Variants in SPTBN4 observed in about 807,000 individuals in gnomAD.
SPTBN4 encodes spectrin beta, non-erythrocytic 4.
A neutral mutation model predicts 277.8 loss-of-function variants in SPTBN4; 96 were observed. The ratio of observed to expected loss-of-function variants is 0.35; its 90% CI spans 0.29 to 0.41. The LOEUF (loss-of-function observed/expected upper bound fraction) is 0.41, where lower values mean the gene tolerates loss of function less well. SPTBN4 is among the 10% of genes least tolerant of loss of function. SPTBN4 has a pLI of 1.00. For synonymous variants in SPTBN4, 1,481 were observed against 1,580.3 expected, an observed-to-expected ratio of 0.94 and a Z score of 1.49; for missense variants, 3,006 against 3,595.7, an observed-to-expected ratio of 0.84 and a Z score of 4.19.
intron 13 of SPTBN4, among the ~76,000 whole-genome samples, chr19:40,509,475 C>A (rs1395715884): frequency 6.6e-6 from 1 of 152,154 alleles, no homozygotes; most frequent in Non-Finnish European, 1.5e-5. Context: ...AAACTCTTGA[C>A]CTCAGGTGAT....
intron 20 of SPTBN4, among the ~76,000 whole-genome samples, chr19:40,539,416 C>T (rs1328494899): frequency 6.6e-6 from 1 of 152,240 alleles, no homozygotes; most frequent in African/African-American, 2.4e-5. Context: ...TGGGTCAAGC[C>T]CTGGCTCTGT....
chr19:40,567,603 T>TG, intron 30 of SPTBN4, 60 bp from the exon 31 acceptor site: 321 of 980,266 alleles, frequency 3.3e-4, no homozygotes, highest in Non-Finnish European at 3.6e-4. Flanking sequence ...TCCCCGGACC[T>TG]CCCCCTTACC....
chr19:40,553,782 C>A (rs898914198), intron 22 of SPTBN4, among the ~76,000 whole-genome samples: 25 of 152,106 alleles, frequency 1.6e-4, no homozygotes, highest in African/African-American at 5.6e-4. Context: ...ACAAATGATA[C>A]CTCGGCTGCT....
At chr19:40,572,715 T>G in intron 35 of SPTBN4, 1 of 256,200 alleles carries the variant, frequency 3.9e-6, no homozygotes. Flanking sequence ...TCCCAGTACT[T>G]TGGGAGGCCA....
chr19:40,555,489 C>CAAAAAAAAAAAAAAAAAAAGAAA (rs2080967660), intron 24 of SPTBN4, among the ~76,000 whole-genome samples: 1 of 74,904 alleles, frequency 1.3e-5, no homozygotes, highest in Non-Finnish European at 2.4e-5. Flanking sequence ...GACTCCGTCT[C>CAAAAAAAAAAAAAAAAAAAGAAA]AAAAAAAAAA....
chr19:40,567,047 C>T (rs2081100166), intron 30 of SPTBN4: 1 of 449,156 alleles, frequency 2.2e-6, no homozygotes, highest in Non-Finnish European at 4.5e-6. Context: ...CTTTGGAAGC[C>T]TAGGCGGGAG....
intron 35 of SPTBN4, 98 bp downstream of exon 35, chr19:40,572,478 C>T (rs1157138118): frequency 2.7e-6 from 4 of 1,456,212 alleles, no homozygotes; most frequent in East Asian, 4.5e-5. Flanking sequence ...AAGGGACACT[C>T]ACAGGCCAGA....
At chr19:40,533,430 G>A (rs544803175) in intron 19 of SPTBN4, among the ~76,000 whole-genome samples, 6 of 152,192 alleles carry the variant, frequency 3.9e-5, no homozygotes, top group African/African-American at 1.4e-4. Context: ...AGGGACTGAG[G>A]TAGATATTTG....
chr19:40,503,634 G>A (rs2080288576), intron 11 of SPTBN4, among the ~76,000 whole-genome samples, 196 bp from the exon 12 acceptor site: 1 of 151,892 alleles, frequency 6.6e-6, no homozygotes, highest in African/African-American at 2.4e-5. Context: ...TGGTCTCCAA[G>A]GTAACAATGG....
intron 18 of SPTBN4, chr19:40,530,751 G>A: frequency 5.2e-6 from 1 of 193,762 alleles, no homozygotes; most frequent in Non-Finnish European, 9.3e-6. Context: ...CTGGGGGAGG[G>A]GCAAGGACGC....
Position 40,557,254 on chromosome 19 carries a change from A to G in SPTBN4, c.5521A>G (p.Ser1841Gly). The part of the protein sequence containing the change: ...AASRELHKFF[S>G]DARELQGQIE... ...CTCTCGGGAGCTTCATAAGTTCTTC[A>G]GTGACGCCCGAGAGCTTCAGGGACA... is the stretch of plus-strand genomic sequence containing the variant. Residue 1841 changes from serine (S) to glycine (G), a missense_variant, in exon 26 of 36, where the codon AGT (serine) becomes GGT (glycine). This residue lies in a region of SPTBN4 where 425 missense variants were observed against 594.7 expected (regional missense o/e 0.71). Coordinates refer to ENST00000598249, the MANE Select transcript of SPTBN4 (RefSeq NM_020971.3). 3 of 1,613,700 alleles carry G rather than the reference A, an allele frequency of 1.9e-6. No homozygotes were observed. The highest frequency in any genetic ancestry group is 2.5e-6 in the Non-Finnish European group (3 of 1,179,844).
chr19:40,508,296 G>T (rs1411681104), intron 13 of SPTBN4, among the ~76,000 whole-genome samples: 1 of 152,226 alleles, frequency 6.6e-6, no homozygotes, highest in East Asian at 1.9e-4. Flanking sequence ...ATGCCCTCCA[G>T]CCAGAGACCA....
rs531478254 is a variant in SPTBN4 at position 40,519,544 on chromosome 19, C to A, written c.3047C>A (p.Ala1016Asp). ...KRRAVESAPRAGGALQWRLSG... is the reference protein window; with the variant it reads ...KRRAVESAPRDGGALQWRLSG... ...AGAGCTGTGGAGAGCGCGCCCCGGGCCGGCGGCGCCCTGCAGTGGCGTCTT... is the reference window on the plus strand; with the variant it reads ...AGAGCTGTGGAGAGCGCGCCCCGGGACGGCGGCGCCCTGCAGTGGCGTCTT... Residue 1016 changes from alanine to aspartate, a missense_variant, in exon 16 of 36, where the codon GCC becomes GAC. Ala to Asp is a moderately radical substitution (Grantham distance 126). Around this residue, in one of 5 missense-constraint regions of SPTBN4, gnomAD observed 1,759 missense variants for 2,061.5 expected, o/e 0.85. Coordinates refer to ENST00000598249, the MANE Select transcript of SPTBN4 (RefSeq NM_020971.3). The surrounding 1 kb of genome is among the most constrained non-coding windows in gnomAD (Gnocchi z 5.7). 24 of 1,576,010 alleles carry A rather than the reference C, an allele frequency of 1.5e-5. No individual in the cohort carries two copies. In the East Asian group the frequency reaches 3.4e-4, roughly 22 times the overall value.
chr19:40,491,733 A>C (rs1338632352), intron 4 of SPTBN4, among the ~76,000 whole-genome samples: 1 of 149,544 alleles, frequency 6.7e-6, no homozygotes, highest in South Asian at 2.1e-4. Context: ...AAAAAAAAAA[A>C]AAAAAGTGAC....
intron 7 of SPTBN4, among the ~76,000 whole-genome samples, chr19:40,499,117 C>T (rs1396500014): frequency 6.6e-6 from 1 of 151,946 alleles, no homozygotes; most frequent in East Asian, 1.9e-4. Flanking sequence ...CAACCTCCGC[C>T]TCCCGGGTTC....
At chr19:40,473,139 C>T (rs2079905635) in intron 2 of SPTBN4, among the ~76,000 whole-genome samples, 1 of 152,054 alleles carries the variant, frequency 6.6e-6, no homozygotes, top group African/African-American at 2.4e-5. Context: ...CTCCACCTCA[C>T]CGGCTCAAGC....
At chr19:40,544,127 C>CTTTTTTTTTTTTTTTTTTTTTT (rs10618096) in intron 20 of SPTBN4, among the ~76,000 whole-genome samples, 3 of 128,914 alleles carry the variant, frequency 2.3e-5, no homozygotes, top group Admixed American at 8.0e-5. Context: ...TCTTCTTCCT[C>CTTTTTTTTTTTTTTTTTTTTTT]TTTTTTTTTT....
intron 1 of SPTBN4, among the ~76,000 whole-genome samples, chr19:40,467,623 CGG>C (rs562140429): frequency 0.22 from 22,933 of 105,010 alleles, 1,619 homozygotes; most frequent in African/African-American, 0.31. Context: ...CCAGCCTTTG[CGG>C]GGGGGGGGGG....
chr19:40,532,822 GGGA>G, intron 19 of SPTBN4, 51 bp downstream of exon 19: 1 of 1,556,634 alleles, frequency 6.4e-7, no homozygotes, highest in Admixed American at 1.8e-5. Flanking sequence ...GAGGCCTCCA[GGGA>G]GCCCACGTCT....
Sources: allele counts gnomAD v4.1 joint callset (sites outside exome capture counted in the v4.1 genomes callset), GRCh38; gene constraint gnomAD v4.1.1; regional missense constraint gnomAD v4.1.1; non-coding constraint Gnocchi (gnomAD v3.1); transcripts MANE v1.5; gene names NCBI Gene and HGNC (gene_info 2026-07-23, HGNC 2026-07-21).